KCNQ3: variants seen among roughly 807,000 people sequenced by gnomAD.
KCNQ3 encodes potassium voltage-gated channel subfamily KQT member 3.
A neutral mutation model predicts 92.5 loss-of-function variants in KCNQ3; 30 were observed. That is an observed-to-expected ratio of 0.32 (90% CI 0.24 to 0.44). The LOEUF (loss-of-function observed/expected upper bound fraction) is 0.44. Ranked by LOEUF, KCNQ3 falls within the 20% of genes least tolerant of loss-of-function variation. KCNQ3 has a pLI of 1.00. For missense variants in KCNQ3, 913 were observed against 1,140.3 expected (o/e 0.80, Z 2.87); for synonymous variants, 450 against 468.8 (o/e 0.96, Z 0.52).
chr8:132,452,187 TC>T (rs1821836274), intron 1 of KCNQ3, among the ~76,000 whole-genome samples: 1 of 152,114 alleles, frequency 6.6e-6, no homozygotes, highest in Admixed American at 6.5e-5. Flanking sequence ...TCTATCCACC[TC>T]CCAAACATTT....
intron 1 of KCNQ3, among the ~76,000 whole-genome samples, chr8:132,367,678 G>A (rs751281962): frequency 1.3e-5 from 2 of 152,216 alleles, no homozygotes; most frequent in Admixed American, 6.5e-5. Context: ...TAAGCTAGAG[G>A]CAGCAGCACT....
chr8:132,181,849 C>T (rs748298541), intron 3 of KCNQ3, among the ~76,000 whole-genome samples: 8 of 151,930 alleles, frequency 5.3e-5, no homozygotes, highest in African/African-American at 7.3e-5. Context: ...GTCAGGAGAT[C>T]GAGACCATCC....
At chr8:132,144,237 G>A (rs1825385070) in intron 9 of KCNQ3, among the ~76,000 whole-genome samples, 1 of 152,230 alleles carries the variant, frequency 6.6e-6, no homozygotes, top group Admixed American at 6.5e-5. Context: ...AAAGTCAGAA[G>A]TCTCGGCTCA....
intron 1 of KCNQ3, among the ~76,000 whole-genome samples, chr8:132,260,513 C>T (rs1171260924): frequency 6.6e-6 from 1 of 151,942 alleles, no homozygotes; most frequent in Non-Finnish European, 1.5e-5. Context: ...GGGATAAGTT[C>T]TGTAGAGAAC....
chr8:132,397,408 C>G (rs1183642959), intron 1 of KCNQ3, among the ~76,000 whole-genome samples: 1 of 152,124 alleles, frequency 6.6e-6, no homozygotes, highest in African/African-American at 2.4e-5. Flanking sequence ...GCCAGGGTAA[C>G]CTAGACAAGT....
chr8:132,370,848 A>C (rs1819455227), intron 1 of KCNQ3, among the ~76,000 whole-genome samples: 1 of 152,358 alleles, frequency 6.6e-6, no homozygotes, highest in South Asian at 2.1e-4. Flanking sequence ...TCTCATGCCT[A>C]ACCTGGCTTA....
chr8:132,448,357 G>A (rs367664326), intron 1 of KCNQ3, among the ~76,000 whole-genome samples: 95 of 147,968 alleles, frequency 6.4e-4, no homozygotes, highest in African/African-American at 2.0e-3. Context: ...TCCCTGGGAC[G>A]CCTCAGCTGG....
At chr8:132,401,572 C>G (rs936132114) in intron 1 of KCNQ3, among the ~76,000 whole-genome samples, 3 of 152,156 alleles carry the variant, frequency 2.0e-5, no homozygotes, top group African/African-American at 7.2e-5. Flanking sequence ...GATGGGTTTT[C>G]ACCATGTTGG....
intron 1 of KCNQ3, among the ~76,000 whole-genome samples, chr8:132,326,559 G>T (rs1378004966): frequency 1.3e-5 from 2 of 152,140 alleles, no homozygotes; most frequent in African/African-American, 4.8e-5. Flanking sequence ...AGTCACAAAA[G>T]GTACCACCGT....
intron 1 of KCNQ3, chr8:132,187,132 G>A: frequency 2.2e-6 from 1 of 455,852 alleles, no homozygotes; most frequent in Middle Eastern, 3.3e-4. Flanking sequence ...GGTGAAGCTT[G>A]GTAGTACATA....
At position 132,129,835 on chromosome 8, in the gene KCNQ3, G is replaced by A. The variant is rs542607443; in HGVS notation, c.2046C>T (p.Thr682=). The A allele has an allele frequency of 1.2e-6, 2 of 1,614,158 alleles. No homozygotes were observed. Among genetic ancestry groups the A allele is most frequent in the Middle Eastern group, 1.6e-4 (1 of 6,062 alleles). The change falls in exon 15 of 15, where the codon ACC becomes ACT. Residue 682 remains threonine, a synonymous_variant. Transcript: ENST00000388996. This position sits in a 1 kb window ranked among gnomAD's most constrained non-coding sequence, Gnocchi z 5.9. ...KEDNRYSDLK[T]IICNYSETGP... ...CTGTCTCAGAATAGTTGCAGATGAT[G>A]GTTTTCAAATCGGAATACCTGTTGT...
At chr8:132,317,394 T>C (rs1308610300) in intron 1 of KCNQ3, among the ~76,000 whole-genome samples, 1 of 152,228 alleles carries the variant, frequency 6.6e-6, no homozygotes, top group Non-Finnish European at 1.5e-5. Context: ...TTGGATATAG[T>C]TTTGCAAATT....
intron 1 of KCNQ3, among the ~76,000 whole-genome samples, chr8:132,469,623 C>A (rs920525779): frequency 1.3e-5 from 2 of 152,008 alleles, no homozygotes; most frequent in African/African-American, 4.8e-5. Flanking sequence ...TTGACACTGT[C>A]CCGCTTGTTA....
intron 9 of KCNQ3, among the ~76,000 whole-genome samples, chr8:132,158,356 T>C (rs147757346): frequency 6.6e-6 from 1 of 152,318 alleles, no homozygotes; most frequent in East Asian, 1.9e-4. Flanking sequence ...ATAAATTTCA[T>C]GTGGCTGATG....
intron 1 of KCNQ3, among the ~76,000 whole-genome samples, chr8:132,327,495 G>A (rs1416518144): frequency 1.3e-5 from 2 of 152,094 alleles, no homozygotes; most frequent in African/African-American, 2.4e-5. Flanking sequence ...GGATACCCAG[G>A]GACCCTGTCC....
chr8:132,129,922 C>G lies in KCNQ3; in HGVS notation c.1959G>C (p.Gln653His). 1 of 1,614,156 alleles carries G rather than the reference C, an allele frequency of 6.2e-7. No individual in the cohort carries two copies. Among genetic ancestry groups the G allele is most frequent in the Non-Finnish European group, 8.5e-7 (1 of 1,180,028 alleles). The change falls in exon 15 of 15, where the codon CAG becomes CAC. Residue 653 changes from glutamine to histidine, a missense_variant. Physicochemically the swap from Gln to His is conservative, Grantham distance 24. Around this residue, in one of 6 missense-constraint regions of KCNQ3, gnomAD observed 375 missense variants for 376.4 expected, o/e 1.00. Transcript: ENST00000388996. The surrounding 1 kb of genome is among the most constrained non-coding windows in gnomAD (Gnocchi z 5.9). ...HMQHMERLQV[Q>H]VTEYYPTKGT... Reference sequence around the variant, plus strand: ...CCTTGGTTGGGTAATACTCCGTGACCTGCACCTGCAACCGTTCCATGTGTT... The same window carrying G: ...CCTTGGTTGGGTAATACTCCGTGACGTGCACCTGCAACCGTTCCATGTGTT...
intron 1 of KCNQ3, among the ~76,000 whole-genome samples, chr8:132,249,174 G>A (rs552934285): frequency 6.6e-6 from 1 of 152,312 alleles, no homozygotes; most frequent in South Asian, 2.1e-4. Flanking sequence ...ATTGCAAAGA[G>A]TGAAAGAACA....
chr8:132,413,129 A>C (rs1490388953), intron 1 of KCNQ3, among the ~76,000 whole-genome samples: 1 of 152,226 alleles, frequency 6.6e-6, no homozygotes, highest in African/African-American at 2.4e-5. Flanking sequence ...TCTTCAACCC[A>C]ATCTATATCA....
At chr8:132,278,138 T>A (rs957146770) in intron 1 of KCNQ3, 1 of 985,126 alleles carries the variant, frequency 1.0e-6, no homozygotes, top group Non-Finnish European at 1.2e-6. Context: ...AACTAGAGAA[T>A]CCCCATTTTG....
Sources: allele counts gnomAD v4.1 joint callset (sites outside exome capture counted in the v4.1 genomes callset), GRCh38; gene constraint gnomAD v4.1.1; regional missense constraint gnomAD v4.1.1; non-coding constraint Gnocchi (gnomAD v3.1); transcripts MANE v1.5; gene names NCBI Gene and HGNC (gene_info 2026-07-23, HGNC 2026-07-21).